KDM4B: variants seen among roughly 807,000 people sequenced by gnomAD.
The protein encoded by KDM4B is lysine demethylase 4B, also known as lysine-specific demethylase 4B.
Under a neutral mutation model 125.2 loss-of-function variants are expected in KDM4B, and 32 were observed. The observed-to-expected ratio is 0.26, with a 90% CI of 0.19 to 0.34. The LOEUF is 0.34. Ranked by LOEUF, KDM4B falls within the 10% of genes least tolerant of loss-of-function variation. The pLI is 1.00. For missense variants in KDM4B, 1,190 were observed against 1,577.7 expected (o/e 0.75, Z 4.16); for synonymous variants, 721 against 677.9 (o/e 1.06, Z -0.99).
At chr19:5,019,772 G>GTGT (rs2036035814) in intron 2 of KDM4B, among the ~76,000 whole-genome samples, 1 of 133,130 alleles carries the variant, frequency 7.5e-6, no homozygotes, top group Non-Finnish European at 1.6e-5. Context: ...GGTGTGGACA[G>GTGT]TGGTGTGCAG....
chr19:5,096,810 G>A (rs550754444), intron 9 of KDM4B, among the ~76,000 whole-genome samples: 331 of 151,416 alleles, frequency 2.2e-3, no homozygotes, highest in Middle Eastern at 3.4e-3. Flanking sequence ...GTCCCGCGGT[G>A]CCCCCGGCGG....
In KDM4B at chr19:5,002,717, G is replaced by A. The variant is rs972446466; in HGVS notation, c.-108-13540G>A. ...GGCTTACACCTGTAGTCCCCGGACT[G>A]TGGGAGGATCACTTGAGCCCAGGAG... On this transcript the variant is annotated intron_variant, in intron 1 of 22. Coordinates refer to ENST00000159111, the MANE Select transcript of KDM4B (RefSeq NM_015015.3). Among the ~76,000 whole-genome samples, 13 of 152,106 alleles carry A rather than the reference G, an allele frequency of 8.5e-5. No individual in the cohort carries two copies. In the South Asian group the frequency reaches 2.1e-3, roughly 24 times the overall value.
intron 9 of KDM4B, among the ~76,000 whole-genome samples, chr19:5,086,129 C>T (rs1385592506): frequency 3.3e-5 from 5 of 152,134 alleles, no homozygotes; most frequent in Admixed American, 2.0e-4. Flanking sequence ...TCCACCCCCT[C>T]GATTTGCTTA....
At chr19:5,070,734 G>A (rs574748435) in intron 6 of KDM4B, 135 of 367,048 alleles carry the variant, frequency 3.7e-4, no homozygotes, top group South Asian at 2.5e-3. Flanking sequence ...CCGCTTAACC[G>A]GGAGCATCCC....
At chr19:5,031,299 C>G (rs1235861427) in intron 2 of KDM4B, among the ~76,000 whole-genome samples, 1 of 152,224 alleles carries the variant, frequency 6.6e-6, no homozygotes, top group East Asian at 1.9e-4. Flanking sequence ...AGAGGCTGGT[C>G]TCTGGGCACA....
In KDM4B at chr19:5,151,494, C is replaced by T. The variant is rs865785643; in HGVS notation, c.3274C>T (p.Pro1092Ser). The change falls in exon 23 of 23, where the codon CCC (proline) becomes TCC (serine). Residue 1092 changes from proline to serine, a missense_variant. By Grantham distance (74) the Pro-to-Ser change is moderately conservative. This residue lies in a region of KDM4B where 109 missense variants were observed against 93.8 expected (regional missense o/e 1.16). Coordinates refer to ENST00000159111, the MANE Select transcript of KDM4B (RefSeq NM_015015.3). ...VESLLQVQGR[P>S]GAPF ...GAGCCTCCTGCAGGTGCAGGGCCGG[C>T]CCGGAGCCCCCTTCTAGGACAGCTG... 4 of 1,446,324 alleles carry T rather than the reference C, an allele frequency of 2.8e-6. No individual in the cohort carries two copies. The highest frequency in any genetic ancestry group is 2.5e-4 in the Middle Eastern group (1 of 4,064). 89.6% of individuals were successfully genotyped at this position (1,446,324 alleles called of 1,614,324 possible).
At chr19:5,019,052 GTGT>G (rs2035979348) in intron 2 of KDM4B, among the ~76,000 whole-genome samples, 1 of 151,612 alleles carries the variant, frequency 6.6e-6, no homozygotes, top group South Asian at 2.1e-4. Context: ...TGGTGTGCAG[GTGT>G]TGGTGTGGAC....
At chr19:5,069,967 G>T (rs193043977) in intron 6 of KDM4B, among the ~76,000 whole-genome samples, 41 of 152,240 alleles carry the variant, frequency 2.7e-4, no homozygotes, top group African/African-American at 9.9e-4. Context: ...GTGGAGCAGG[G>T]GCCGTCTCCC....
At chr19:5,013,704 C>T (rs113926223) in intron 1 of KDM4B, among the ~76,000 whole-genome samples, 6 of 152,302 alleles carry the variant, frequency 3.9e-5, no homozygotes, top group African/African-American at 9.6e-5. Flanking sequence ...GAGGACATTC[C>T]GCCTCCCGGA....
At position 5,057,225 on chromosome 19, in the gene KDM4B, C is replaced by G. The variant is rs1365125005; in HGVS notation, c.626+9556C>G. Among the ~76,000 whole-genome samples, 9 of 152,194 alleles carry G rather than the reference C, an allele frequency of 5.9e-5. No individual in the cohort carries two copies. The East Asian group carries it at 1.7e-3, about 29-fold the overall frequency. ...TGCTGGCGGCGCCCTTGCCTCTCCC[C>G]TTTGCCAGGCCGCGTGTGCCTGTGG... On this transcript the variant is annotated intron_variant, in intron 6 of 22. Transcript: ENST00000159111.
At chr19:4,990,843 G>A (rs1427905150) in intron 1 of KDM4B, among the ~76,000 whole-genome samples, 2 of 152,220 alleles carry the variant, frequency 1.3e-5, no homozygotes, top group East Asian at 1.9e-4. Context: ...ATTATGGGCC[G>A]GGTATGATGG....
In KDM4B at chr19:5,144,040, C is replaced by T; in HGVS notation, c.2624C>T (p.Ser875Phe). 6.2e-7 allele frequency: 1 copy of T among 1,605,558 alleles called. No individual in the cohort carries two copies. Among genetic ancestry groups the T allele is most frequent in the Non-Finnish European group, 8.5e-7 (1 of 1,173,642 alleles). Residue 875 changes from serine (S) to phenylalanine (F), a missense_variant, in exon 19 of 23, where the codon TCC (serine) becomes TTC (phenylalanine). By Grantham distance (155) the Ser-to-Phe change is radical. Around this residue, in one of 7 missense-constraint regions of KDM4B, gnomAD observed 298 missense variants for 439.7 expected, o/e 0.68. Coordinates refer to ENST00000159111, the MANE Select transcript of KDM4B (RefSeq NM_015015.3). ...ACIQCSYEHC[S>F]TSFHVTCAHA... Reference sequence around the variant, plus strand: ...ATCCAGTGCTCCTACGAGCACTGCTCCACGTCCTTCCACGTGACCTGCGCC... The same window carrying T: ...ATCCAGTGCTCCTACGAGCACTGCTTCACGTCCTTCCACGTGACCTGCGCC...
At chr19:5,128,165 C>T (rs1489001615) in intron 11 of KDM4B, among the ~76,000 whole-genome samples, 3 of 152,172 alleles carry the variant, frequency 2.0e-5, no homozygotes, top group Non-Finnish European at 4.4e-5. Flanking sequence ...CGGCTGGAGT[C>T]CCCTGTGTGC....
intron 1 of KDM4B, among the ~76,000 whole-genome samples, chr19:4,973,115 C>T (rs1041343873): frequency 2.6e-5 from 4 of 152,220 alleles, no homozygotes; most frequent in South Asian, 4.1e-4. Flanking sequence ...AATGACTCAC[C>T]TCTTTGATCT....
chr19:4,998,975 G>C (rs1007340319), intron 1 of KDM4B, among the ~76,000 whole-genome samples: 2 of 152,096 alleles, frequency 1.3e-5, no homozygotes, highest in African/African-American at 4.8e-5. Flanking sequence ...TTGATCCTTT[G>C]GTTAAGGTGG....
chr19:5,060,786 G>C (rs1196164042), intron 6 of KDM4B, among the ~76,000 whole-genome samples: 2 of 152,216 alleles, frequency 1.3e-5, no homozygotes, highest in East Asian at 1.9e-4. Context: ...CTGGGCACCT[G>C]CCCTGCGCAC....
intron 2 of KDM4B, among the ~76,000 whole-genome samples, chr19:5,021,853 C>G (rs531355728): frequency 5.9e-5 from 9 of 152,200 alleles, no homozygotes; most frequent in African/African-American, 2.2e-4. Flanking sequence ...CCAGGATGGT[C>G]TTGATCTGTT....
intron 6 of KDM4B, among the ~76,000 whole-genome samples, chr19:5,066,896 C>T (rs1249677811): frequency 1.3e-5 from 2 of 152,186 alleles, no homozygotes; most frequent in African/African-American, 2.4e-5. Context: ...ATGGAGACCC[C>T]GCTGGGGGTG....
At chr19:5,047,177 G>A (rs2037052418) in intron 5 of KDM4B, 2 of 335,328 alleles carry the variant, frequency 6.0e-6, no homozygotes, top group Non-Finnish European at 5.5e-6. Flanking sequence ...CACGCCTATA[G>A]CCTATAGTCC....
Sources: allele counts gnomAD v4.1 joint callset (sites outside exome capture counted in the v4.1 genomes callset), GRCh38; gene constraint gnomAD v4.1.1; regional missense constraint gnomAD v4.1.1; transcripts MANE v1.5; gene names NCBI Gene and HGNC (gene_info 2026-07-23, HGNC 2026-07-21).